The following PTPRN2 variants were observed in gnomAD, a reference collection of about 807,000 sequenced individuals.
PTPRN2 encodes protein tyrosine phosphatase receptor type N2.
In PTPRN2, 74 loss-of-function variants were observed where a neutral mutation model predicts 118.8. The ratio of observed to expected loss-of-function variants is 0.62; its 90% CI spans 0.52 to 0.76. PTPRN2 has a LOEUF of 0.76. PTPRN2 is among the 30% of genes least tolerant of loss of function. The probability of loss-of-function intolerance (pLI) is 0.00; values close to 1 mark genes in which losing one functional copy is unlikely to be tolerated. For synonymous variants in PTPRN2, 641 were observed against 608.0 expected (o/e 1.05, Z -0.80); for missense variants, 1,481 against 1,394.4 (o/e 1.06, Z -0.99).
Position 158,041,457 on chromosome 7 carries a change from G to C in PTPRN2, c.1723+39841C>G, listed in dbSNP as rs1400195649. ...GTTTGAGACCATCCTGGCCAACATGGTGAAACCCTGTTTCCACTAAAAATA... is the reference window on the plus strand; with the variant it reads ...GTTTGAGACCATCCTGGCCAACATGCTGAAACCCTGTTTCCACTAAAAATA... On this transcript the variant is annotated intron_variant, in intron 11 of 22. Coordinates refer to ENST00000389418, the MANE Select transcript of PTPRN2 (RefSeq NM_002847.5). 2.0e-5 allele frequency among the ~76,000 whole-genome samples: 3 copies of C among 152,082 alleles called. No homozygotes were observed. In the East Asian group the frequency reaches 5.8e-4, roughly 29 times the overall value.
chr7:157,991,594 G>T (rs1039572266), intron 11 of PTPRN2, among the ~76,000 whole-genome samples: 1 of 152,190 alleles, frequency 6.6e-6, no homozygotes, highest in African/African-American at 2.4e-5. Flanking sequence ...GGGCGGACCT[G>T]TTTCCTGTTA....
intron 1 of PTPRN2, among the ~76,000 whole-genome samples, chr7:158,558,142 A>G (rs545979968): frequency 6.6e-6 from 1 of 152,030 alleles, no homozygotes; most frequent in African/African-American, 2.4e-5. Flanking sequence ...GAGCCACCAC[A>G]CCCCACTAAA....
chr7:158,398,521 T>C (rs1812700225), intron 2 of PTPRN2, among the ~76,000 whole-genome samples: 1 of 152,266 alleles, frequency 6.6e-6, no homozygotes, highest in African/African-American at 2.4e-5. Context: ...TTCTTTGTTC[T>C]GTTATTGCCG....
intron 12 of PTPRN2, among the ~76,000 whole-genome samples, chr7:157,822,617 T>G (rs1806920162): frequency 6.6e-6 from 1 of 151,868 alleles, no homozygotes; most frequent in Non-Finnish European, 1.5e-5. Flanking sequence ...CTATCCATCA[T>G]CCATCTACCC....
In PTPRN2 at chr7:158,359,181, C is replaced by T. The variant is rs145929058; in HGVS notation, c.164-42249G>A. 2.2e-3 allele frequency among the ~76,000 whole-genome samples: 329 copies of T among 152,324 alleles called. 2 individuals carry two copies. Among genetic ancestry groups the T allele is most frequent in the Admixed American group, 6.0e-3 (92 of 15,302 alleles). ...GACCCCAGAAATCCAAAGTGATTCA[C>T]GCACAGGTGGGAAGACGCTATCAAT... On this transcript the variant is annotated intron_variant, in intron 2 of 22. Transcript: ENST00000389418.
chr7:158,168,031 T>C lies in PTPRN2; in HGVS notation c.550-740A>G, dbSNP rs148636805. 6.2e-3 allele frequency among the ~76,000 whole-genome samples: 945 copies of C among 152,366 alleles called. 11 individuals carry two copies. Among genetic ancestry groups the C allele is most frequent in the African/African-American group, 0.022 (909 of 41,586 alleles). The stretch of plus-strand genomic sequence containing the variant: ...CTTGGGTTTATTCGAGGATATTACA[T>C]GGTAACTCGACATTTAACTGACTGA... On this transcript the variant is annotated intron_variant, in intron 5 of 22. Transcript: ENST00000389418.
chr7:157,798,968 C>T (rs1201625587), intron 12 of PTPRN2, among the ~76,000 whole-genome samples: 3 of 152,186 alleles, frequency 2.0e-5, no homozygotes, highest in Non-Finnish European at 2.9e-5. Flanking sequence ...AGGAGACCCC[C>T]GTGCCATCTT....
chr7:157,859,986 C>T (rs756892037), intron 12 of PTPRN2, among the ~76,000 whole-genome samples: 1 of 146,686 alleles, frequency 6.8e-6, no homozygotes, highest in Non-Finnish European at 1.5e-5. Flanking sequence ...AGAGCCCCGG[C>T]CACCACCCAC....
intron 2 of PTPRN2, among the ~76,000 whole-genome samples, chr7:158,403,465 A>G (rs1813100181): frequency 6.6e-6 from 1 of 152,242 alleles, no homozygotes; most frequent in Non-Finnish European, 1.5e-5. Context: ...GTTCTGCAAC[A>G]GCTCCCAGGT....
At chr7:157,923,945 GC>G (rs575534581) in intron 11 of PTPRN2, among the ~76,000 whole-genome samples, 16 of 152,286 alleles carry the variant, frequency 1.1e-4, no homozygotes, top group Middle Eastern at 3.4e-3. Flanking sequence ...GAGGAGGCTG[GC>G]TTTGGTGTGC....
intron 22 of PTPRN2, among the ~76,000 whole-genome samples, chr7:157,544,225 G>A (rs758173488): frequency 2.6e-5 from 4 of 152,176 alleles, no homozygotes; most frequent in African/African-American, 4.8e-5. Flanking sequence ...TCAATGGCAC[G>A]GGAGGCCTTG....
At chr7:157,664,797 G>A (rs758631201) in intron 13 of PTPRN2, among the ~76,000 whole-genome samples, 3 of 152,204 alleles carry the variant, frequency 2.0e-5, no homozygotes, top group African/African-American at 7.2e-5. Context: ...GATCTCGAGA[G>A]CATTTTATTT....
At chr7:157,923,405 C>T (rs1015109107) in intron 11 of PTPRN2, among the ~76,000 whole-genome samples, 10 of 152,308 alleles carry the variant, frequency 6.6e-5, no homozygotes, top group East Asian at 1.9e-4. Context: ...CCTCGGGAAA[C>T]GCCACCTGCG....
intron 12 of PTPRN2, among the ~76,000 whole-genome samples, chr7:157,798,562 G>A (rs911174530): frequency 2.6e-5 from 4 of 152,092 alleles, no homozygotes; most frequent in Admixed American, 6.5e-5. Context: ...CACACACGTC[G>A]CTTCTGGTCT....
At chr7:158,471,952 C>G (rs1163050624) in intron 2 of PTPRN2, among the ~76,000 whole-genome samples, 1 of 152,182 alleles carries the variant, frequency 6.6e-6, no homozygotes, top group Non-Finnish European at 1.5e-5. Context: ...TGTGGCCCAC[C>G]TGACTCCAAT....
At chr7:158,169,417 A>AGTGTGTGTGTGTGTGTGTGTGT (rs375257745) in intron 5 of PTPRN2, among the ~76,000 whole-genome samples, 1 of 136,526 alleles carries the variant, frequency 7.3e-6, no homozygotes, top group Non-Finnish European at 1.6e-5. Flanking sequence ...TGCTTTTGTG[A>AGTGTGTGTGTGTGTGTGTGTGT]GTGTGTGTGT....
At chr7:158,225,492 T>C (rs890650297) in intron 3 of PTPRN2, among the ~76,000 whole-genome samples, 1 of 152,146 alleles carries the variant, frequency 6.6e-6, no homozygotes, top group African/African-American at 2.4e-5. Flanking sequence ...TATAATTTCA[T>C]CTAGACAACA....
intron 6 of PTPRN2, among the ~76,000 whole-genome samples, chr7:158,140,583 T>A (rs1819279684): frequency 1.3e-5 from 2 of 151,968 alleles, no homozygotes; most frequent in Non-Finnish European, 1.5e-5. Context: ...GAGAAGCCGG[T>A]CACCAGAGAA....
intron 4 of PTPRN2, among the ~76,000 whole-genome samples, chr7:158,193,453 G>A (rs1176922891): frequency 2.0e-5 from 3 of 152,140 alleles, no homozygotes; most frequent in Non-Finnish European, 4.4e-5. Flanking sequence ...TCGCGGTAAC[G>A]CCCAACAGGC....
Sources: gnomAD v4.1 joint callset for allele counts (sites outside exome capture counted in the v4.1 genomes callset) on GRCh38, gnomAD v4.1.1 for gene constraint, MANE v1.5 for transcripts, NCBI Gene and HGNC (gene_info 2026-07-23, HGNC 2026-07-21) for gene names.